Variants in ACVR2A observed in about 807,000 individuals in gnomAD.
ACVR2A encodes the protein activin A receptor type 2A.
In ACVR2A, 7 loss-of-function variants were observed where a neutral mutation model predicts 61.4. The ratio of observed to expected loss-of-function variants is 0.11; its 90% CI spans 0.06 to 0.21. ACVR2A has a LOEUF of 0.21. Ranked by LOEUF, ACVR2A falls within the 10% of genes least tolerant of loss-of-function variation. The pLI is 1.00. For synonymous variants in ACVR2A, 193 were observed against 208.3 expected, an observed-to-expected ratio of 0.93 and a Z score of 0.63; for missense variants, 322 against 621.7, an observed-to-expected ratio of 0.52 and a Z score of 5.13.
intron 1 of ACVR2A, among the ~76,000 whole-genome samples, chr2:147,879,577 T>G (rs933392105): frequency 6.6e-6 from 1 of 152,200 alleles, no homozygotes; most frequent in South Asian, 2.1e-4. Flanking sequence ...AAAGAATGTA[T>G]CAAGGCCTGA....
intron 1 of ACVR2A, among the ~76,000 whole-genome samples, chr2:147,846,678 T>G (rs1389078954): frequency 6.6e-6 from 1 of 152,196 alleles, no homozygotes; most frequent in Non-Finnish European, 1.5e-5. Context: ...GGAAGGAAGC[T>G]AAACAATGGT....
intron 2 of ACVR2A, among the ~76,000 whole-genome samples, chr2:147,897,397 G>C (rs1343020774): frequency 2.0e-5 from 3 of 152,144 alleles, no homozygotes; most frequent in African/African-American, 7.2e-5. Context: ...GCTTTACTCT[G>C]TACTGGAAGT....
At chr2:147,870,346 C>T (rs1012320097) in intron 1 of ACVR2A, among the ~76,000 whole-genome samples, 1 of 152,076 alleles carries the variant, frequency 6.6e-6, no homozygotes, top group Non-Finnish European at 1.5e-5. Flanking sequence ...TACTTATAAT[C>T]TGAAATAACT....
chr2:147,882,210 C>T lies in ACVR2A; in HGVS notation c.56-14091C>T, dbSNP rs553656284. Reference sequence around the variant, plus strand: ...TTTAAGTGTTAACAATATTGAAATACGTTTTGGATGCTTGCCTTTGTAATT... The same window carrying T: ...TTTAAGTGTTAACAATATTGAAATATGTTTTGGATGCTTGCCTTTGTAATT... On this transcript the variant is annotated intron_variant, in intron 1 of 10. Transcript: ENST00000241416. Among the ~76,000 whole-genome samples, 31 of 152,278 alleles carry T rather than the reference C, an allele frequency of 2.0e-4. 1 individual carries two copies. The South Asian group carries it at 4.6e-3, about 22-fold the overall frequency.
intron 4 of ACVR2A, among the ~76,000 whole-genome samples, chr2:147,904,067 C>T (rs1686932203): frequency 6.6e-6 from 1 of 152,056 alleles, no homozygotes; most frequent in Non-Finnish European, 1.5e-5. Flanking sequence ...GTATTTCAGG[C>T]ATTTATAAGA....
intron 5 of ACVR2A, 94 bp downstream of exon 5, chr2:147,915,428 C>T: frequency 6.9e-7 from 1 of 1,458,716 alleles, no homozygotes; most frequent in Non-Finnish European, 9.4e-7. Flanking sequence ...CCATATGTAC[C>T]AAGGTGGTTC....
intron 1 of ACVR2A, among the ~76,000 whole-genome samples, chr2:147,846,231 G>T (rs1685311370): frequency 6.6e-6 from 1 of 151,666 alleles, no homozygotes. Flanking sequence ...TCTATTTATT[G>T]TAAAATTTAA....
intron 1 of ACVR2A, among the ~76,000 whole-genome samples, chr2:147,875,158 T>TC (rs1686122075): frequency 6.6e-6 from 1 of 152,050 alleles, no homozygotes; most frequent in Admixed American, 6.6e-5. Flanking sequence ...TATTATAAAT[T>TC]TTTTTCTCAC....
chr2:147,910,966 G>T (rs1227082443), intron 4 of ACVR2A, among the ~76,000 whole-genome samples: 1 of 152,072 alleles, frequency 6.6e-6, no homozygotes, highest in South Asian at 2.1e-4. Context: ...ACATTTTTCT[G>T]TCTCACCATT....
intron 1 of ACVR2A, among the ~76,000 whole-genome samples, chr2:147,867,064 C>T (rs910341973): frequency 6.6e-6 from 1 of 151,922 alleles, no homozygotes; most frequent in African/African-American, 2.4e-5. Context: ...TAGATGGAGA[C>T]AGTATTAAAA....
intron 8 of ACVR2A, 74 bp from the exon 9 acceptor site, chr2:147,922,899 T>G: frequency 1.3e-6 from 2 of 1,518,560 alleles, no homozygotes; most frequent in Admixed American, 3.8e-5. Context: ...TTGGTTTTGA[T>G]TCATCTTACA....
At chr2:147,874,415 T>A (rs758715386) in intron 1 of ACVR2A, among the ~76,000 whole-genome samples, 7 of 152,068 alleles carry the variant, frequency 4.6e-5, no homozygotes, top group Middle Eastern at 6.8e-3. Context: ...GAGTTACCAT[T>A]GTGTTTTCTT....
At chr2:147,896,249 CT>C (rs1686730142) in intron 1 of ACVR2A, 51 bp from the exon 2 acceptor site, 5 of 1,498,096 alleles carry the variant, frequency 3.3e-6, no homozygotes, top group Admixed American at 3.6e-5. Context: ...GGGAAACAGT[CT>C]TTTATTTTAA....
At chr2:147,871,837 G>A (rs1686027037) in intron 1 of ACVR2A, among the ~76,000 whole-genome samples, 1 of 151,924 alleles carries the variant, frequency 6.6e-6, no homozygotes, top group African/African-American at 2.4e-5. Flanking sequence ...TCTTTTAATC[G>A]ACATCTTGTT....
intron 1 of ACVR2A, among the ~76,000 whole-genome samples, chr2:147,859,338 T>C (rs143995856): frequency 6.6e-6 from 1 of 152,148 alleles, no homozygotes; most frequent in East Asian, 1.9e-4. Flanking sequence ...GGTGGAATGG[T>C]AACAAAACTA....
intron 8 of ACVR2A, 152 bp downstream of exon 8, chr2:147,920,496 T>G (rs1168022598): frequency 3.2e-6 from 2 of 633,404 alleles, no homozygotes; most frequent in Non-Finnish European, 5.3e-6. Context: ...GACATTTTCA[T>G]ATGATGGTAG....
intron 1 of ACVR2A, among the ~76,000 whole-genome samples, chr2:147,847,813 G>A (rs1685351073): frequency 6.6e-6 from 1 of 152,056 alleles, no homozygotes; most frequent in African/African-American, 2.4e-5. Context: ...ATAAATCTTA[G>A]TTTTCTTTTT....
intron 1 of ACVR2A, among the ~76,000 whole-genome samples, chr2:147,857,408 G>C (rs535976625): frequency 3.3e-5 from 5 of 151,992 alleles, no homozygotes; most frequent in African/African-American, 1.2e-4. Flanking sequence ...GAGTAGAGGA[G>C]CCTACTCTGT....
chr2:147,893,967 T>C (rs1468505103), intron 1 of ACVR2A, among the ~76,000 whole-genome samples: 1 of 152,154 alleles, frequency 6.6e-6, no homozygotes, highest in Admixed American at 6.5e-5. Flanking sequence ...TTTTTCATGT[T>C]TTCTTTTGGA....
Sources: allele counts gnomAD v4.1 joint callset (sites outside exome capture counted in the v4.1 genomes callset), GRCh38; gene constraint gnomAD v4.1.1; transcripts MANE v1.5; gene names NCBI Gene and HGNC (gene_info 2026-07-23, HGNC 2026-07-21).